Variants in RYR2 observed in about 807,000 individuals in gnomAD.
RYR2 encodes the protein ryanodine receptor 2.
A neutral mutation model predicts 601.1 loss-of-function variants in RYR2; 227 were observed. The observed-to-expected ratio is 0.38, with a 90% CI of 0.34 to 0.42. The LOEUF is 0.42. Ranked by LOEUF, RYR2 falls within the 10% of genes least tolerant of loss-of-function variation. The pLI, the probability that RYR2 is intolerant of heterozygous loss-of-function variation, is 1.00. For missense variants in RYR2, 4,646 were observed against 6,156.5 expected, an observed-to-expected ratio of 0.75 and a Z score of 8.21; for synonymous variants, 2,223 against 2,175.1, an observed-to-expected ratio of 1.02 and a Z score of -0.61.
At chr1:237,193,167 C>CAA (rs58552588) in intron 1 of RYR2, among the ~76,000 whole-genome samples, 1,082 of 37,420 alleles carry the variant, frequency 0.029, 87 homozygotes, top group African/African-American at 0.092. Flanking sequence ...GCTAAAAGTA[C>CAA]AAAAAAAAAA....
chr1:237,830,500 C>G (rs781418696), intron 102 of RYR2, 30 bp from the exon 103 acceptor site: 5 of 1,356,124 alleles, frequency 3.7e-6, no homozygotes, highest in Non-Finnish European at 5.3e-6. Context: ...TTTCTGAACT[C>G]TGACGTTAAT....
intron 6 of RYR2, among the ~76,000 whole-genome samples, chr1:237,374,469 G>A (rs1326186117): frequency 1.3e-5 from 2 of 152,122 alleles, no homozygotes; most frequent in Non-Finnish European, 2.9e-5. Context: ...GCCAGCCTGG[G>A]CAACATGGTG....
intron 24 of RYR2, among the ~76,000 whole-genome samples, chr1:237,527,735 C>A (rs1049390494): frequency 1.3e-5 from 2 of 152,172 alleles, no homozygotes; most frequent in African/African-American, 4.8e-5. Flanking sequence ...AAATGTGGAA[C>A]CCTACTTGGT....
intron 29 of RYR2, among the ~76,000 whole-genome samples, chr1:237,584,649 G>GTTTTTTGTTTTT (rs763528934): frequency 2.6e-4 from 19 of 72,444 alleles, no homozygotes; most frequent in Non-Finnish European, 2.7e-4. Context: ...CTCACCACCT[G>GTTTTTTGTTTTT]TTTTTTTTTT....
Position 237,639,053 on chromosome 1 carries a change from T to C in RYR2, c.6967T>C (p.Leu2323=). The C allele has an allele frequency of 6.2e-7, 1 of 1,613,890 alleles. No homozygotes were observed. Among genetic ancestry groups the C allele is most frequent in the Non-Finnish European group, 8.5e-7 (1 of 1,179,856 alleles). ...VEENANVVVR[L]LIRRPECFGP... ...GGAAAATGCAAATGTCGTGGTGAGA[T>C]TGCTCATTCGGAGGCCTGAGTGTTT... The change falls in exon 46 of 105, where the codon TTG becomes CTG. Residue 2323 remains leucine, a synonymous_variant. Transcript: ENST00000366574.
At chr1:237,262,245 G>GTTTTTTTT (rs386370106) in intron 1 of RYR2, among the ~76,000 whole-genome samples, 4,592 of 60,926 alleles carry the variant, frequency 0.075, 865 homozygotes, top group Non-Finnish European at 0.094. Flanking sequence ...GTTCTAAAGA[G>GTTTTTTTT]TTTTTTTTTT....
intron 27 of RYR2, among the ~76,000 whole-genome samples, chr1:237,557,957 C>T (rs575896152): frequency 1.1e-3 from 171 of 152,102 alleles, no homozygotes; most frequent in African/African-American, 4.1e-3. Context: ...TAAGTACAAA[C>T]GTGAGACTAT....
chr1:237,265,950 GTTGA>G (rs1689017707), intron 1 of RYR2, among the ~76,000 whole-genome samples: 2 of 152,134 alleles, frequency 1.3e-5, no homozygotes, highest in East Asian at 3.9e-4. Flanking sequence ...CTTTTAAGTG[GTTGA>G]TTATTTATTA....
At chr1:237,386,654 G>T (rs1214152829) in intron 8 of RYR2, among the ~76,000 whole-genome samples, 1 of 152,192 alleles carries the variant, frequency 6.6e-6, no homozygotes, top group Non-Finnish European at 1.5e-5. Context: ...GGCTCTAAAA[G>T]ATATTAAGTA....
chr1:237,701,620 T>A (rs1212310525), intron 65 of RYR2, among the ~76,000 whole-genome samples: 1 of 152,144 alleles, frequency 6.6e-6, no homozygotes. Context: ...TTTTAGGGCA[T>A]CCATCACCCA....
intron 62 of RYR2, among the ~76,000 whole-genome samples, chr1:237,684,027 A>G (rs894975379): frequency 3.3e-5 from 5 of 151,926 alleles, no homozygotes; most frequent in Non-Finnish European, 7.4e-5. Flanking sequence ...TCCCAGGTTC[A>G]AGCAATTCTC....
At chr1:237,100,532 G>A (rs898107450) in intron 1 of RYR2, among the ~76,000 whole-genome samples, 2 of 151,738 alleles carry the variant, frequency 1.3e-5, no homozygotes, top group African/African-American at 4.8e-5. Context: ...GATTACAGGC[G>A]CCCACCACCA....
intron 6 of RYR2, among the ~76,000 whole-genome samples, chr1:237,370,780 C>A (rs554578221): frequency 5.3e-5 from 8 of 151,826 alleles, no homozygotes; most frequent in Non-Finnish European, 7.4e-5. Flanking sequence ...CCTGCCTCAG[C>A]CTCCTGAGTA....
At chr1:237,531,339 T>G (rs1175755175) in intron 25 of RYR2, among the ~76,000 whole-genome samples, 1 of 152,192 alleles carries the variant, frequency 6.6e-6, no homozygotes, top group Non-Finnish European at 1.5e-5. Context: ...CATCTGCCTG[T>G]GGGCATTAGT....
intron 22 of RYR2, among the ~76,000 whole-genome samples, chr1:237,506,341 T>C (rs1381948327): frequency 6.6e-6 from 1 of 151,950 alleles, no homozygotes; most frequent in Non-Finnish European, 1.5e-5. Flanking sequence ...ATCGAAACCA[T>C]CCTGGCTAAC....
At chr1:237,092,078 A>G (rs1053417025) in intron 1 of RYR2, among the ~76,000 whole-genome samples, 2 of 152,190 alleles carry the variant, frequency 1.3e-5, no homozygotes, top group Non-Finnish European at 2.9e-5. Context: ...AGCTGGAATG[A>G]CAATTACCTA....
At chr1:237,224,524 T>C (rs1325704516) in intron 1 of RYR2, among the ~76,000 whole-genome samples, 1 of 152,178 alleles carries the variant, frequency 6.6e-6, no homozygotes, top group East Asian at 1.9e-4. Context: ...TAGCTTATAA[T>C]GTCCAGGTAC....
intron 1 of RYR2, among the ~76,000 whole-genome samples, chr1:237,143,648 C>G (rs952296090): frequency 6.6e-6 from 1 of 152,110 alleles, no homozygotes; most frequent in African/African-American, 2.4e-5. Context: ...TTGCTTTGTC[C>G]ACACCCTCAC....
chr1:237,283,384 C>A (rs150529411), intron 2 of RYR2, among the ~76,000 whole-genome samples: 2 of 152,116 alleles, frequency 1.3e-5, no homozygotes, highest in Non-Finnish European at 1.5e-5. Context: ...CCTTTGACTG[C>A]GTAACTTGCT....
Sources: allele counts gnomAD v4.1 joint callset (sites outside exome capture counted in the v4.1 genomes callset), GRCh38; gene constraint gnomAD v4.1.1; transcripts MANE v1.5; gene names NCBI Gene and HGNC (gene_info 2026-07-23, HGNC 2026-07-21).